CRY1: variants seen among roughly 807,000 people sequenced by gnomAD.
CRY1 encodes cryptochrome circadian regulator 1, also known as cryptochrome-1.
A neutral mutation model predicts 76.0 loss-of-function variants in CRY1; 45 were observed. That is an observed-to-expected ratio of 0.59 (90% CI 0.47 to 0.76). The LOEUF (loss-of-function observed/expected upper bound fraction) is 0.76. Among genes scored for constraint, CRY1 ranks in the 30% least tolerant of loss-of-function variants. The pLI is 0.00. For missense variants in CRY1, 587 were observed against 716.4 expected, an observed-to-expected ratio of 0.82 and a Z score of 2.06; for synonymous variants, 248 against 244.0, an observed-to-expected ratio of 1.02 and a Z score of -0.15.
intron 1 of CRY1, among the ~76,000 whole-genome samples, chr12:107,089,527 T>A (rs1036140112): frequency 2.6e-5 from 4 of 151,988 alleles, no homozygotes; most frequent in African/African-American, 9.7e-5. Flanking sequence ...ATATAAAACA[T>A]CCTTTTTAAA....
intron 1 of CRY1, among the ~76,000 whole-genome samples, chr12:107,060,395 C>T (rs144177265): frequency 0.013 from 1,929 of 152,284 alleles, 18 homozygotes; most frequent in Middle Eastern, 0.037. Context: ...TGCTCTTCTG[C>T]CATGGGATGA....
At chr12:107,012,119 G>A (rs1464013869) in intron 2 of CRY1, among the ~76,000 whole-genome samples, 2 of 152,214 alleles carry the variant, frequency 1.3e-5, no homozygotes, top group African/African-American at 4.8e-5. Context: ...GAGCCCAGGA[G>A]GCGAAGGCTG....
chr12:106,997,193 A>G (rs1952242035), intron 10 of CRY1, 101 bp downstream of exon 10: 1 of 1,077,198 alleles, frequency 9.3e-7, no homozygotes, highest in African/African-American at 1.6e-5. Flanking sequence ...CTAATTTCAA[A>G]GACAGATTTT....
At chr12:107,028,764 T>A (rs1012609531) in intron 1 of CRY1, among the ~76,000 whole-genome samples, 7 of 152,206 alleles carry the variant, frequency 4.6e-5, no homozygotes, top group African/African-American at 1.7e-4. Context: ...AACACAGTTG[T>A]GTTACTGGCG....
intron 1 of CRY1, among the ~76,000 whole-genome samples, chr12:107,053,100 A>G (rs1555200947): frequency 6.6e-6 from 1 of 152,252 alleles, no homozygotes; most frequent in Non-Finnish European, 1.5e-5. Context: ...TAAAAAAAGC[A>G]AGGAATAAGA....
intron 1 of CRY1, among the ~76,000 whole-genome samples, chr12:107,044,700 G>A (rs1396830170): frequency 2.0e-5 from 3 of 152,022 alleles, no homozygotes; most frequent in African/African-American, 7.2e-5. Context: ...AAACAAAAAC[G>A]CTGTAGCTGA....
At chr12:107,056,930 T>C (rs1952990226) in intron 1 of CRY1, among the ~76,000 whole-genome samples, 2 of 152,052 alleles carry the variant, frequency 1.3e-5, no homozygotes, top group East Asian at 3.9e-4. Flanking sequence ...AAGACAAACA[T>C]ATAGACATTT....
Position 107,000,898 on chromosome 12 carries a change from C to A in CRY1, c.684+382G>T, listed in dbSNP as rs781742638. Among the ~76,000 whole-genome samples, 5 of 152,234 alleles carry A rather than the reference C, an allele frequency of 3.3e-5. No individual in the cohort carries two copies. In the South Asian group the frequency reaches 1.0e-3, roughly 32 times the overall value. On this transcript the variant is annotated intron_variant, in intron 5 of 12. Transcript: ENST00000008527. ...CTCCTGACCTCAAGTGATCCACCTG[C>A]GTCAGCCTCCCAAAGTGCTGGGATT...
At chr12:107,000,344 ATCTC>A (rs200765352) in intron 5 of CRY1, among the ~76,000 whole-genome samples, 89 of 151,656 alleles carry the variant, frequency 5.9e-4, no homozygotes, top group African/African-American at 1.9e-3. Flanking sequence ...AGCACCTTCA[ATCTC>A]TCTCTCTTTT....
At chr12:107,088,038 C>CAAAAAT (rs1398117051) in intron 1 of CRY1, among the ~76,000 whole-genome samples, 1 of 151,912 alleles carries the variant, frequency 6.6e-6, no homozygotes, top group Non-Finnish European at 1.5e-5. Flanking sequence ...TACCCCGTCT[C>CAAAAAT]AAAAATAAAA....
At chr12:107,058,077 T>C (rs1953005372) in intron 1 of CRY1, among the ~76,000 whole-genome samples, 1 of 151,360 alleles carries the variant, frequency 6.6e-6, no homozygotes, top group Admixed American at 6.6e-5. Context: ...AACAAACAAA[T>C]ATATAAAGTG....
chr12:107,014,423 C>G (rs1313600615), intron 2 of CRY1, among the ~76,000 whole-genome samples: 1 of 152,130 alleles, frequency 6.6e-6, no homozygotes, highest in Non-Finnish European at 1.5e-5. Flanking sequence ...ACAAGTATAT[C>G]AAGAAGAAAA....
intron 1 of CRY1, among the ~76,000 whole-genome samples, chr12:107,085,372 A>T (rs187461317): frequency 1.3e-5 from 2 of 152,348 alleles, no homozygotes; most frequent in African/African-American, 4.8e-5. Context: ...ATGTATGTTT[A>T]TTGTGGCACT....
intron 1 of CRY1, among the ~76,000 whole-genome samples, chr12:107,032,379 T>C (rs1256915816): frequency 6.6e-6 from 1 of 152,176 alleles, no homozygotes; most frequent in Non-Finnish European, 1.5e-5. Flanking sequence ...AAAAATTTTA[T>C]TAAAAAAATC....
At chr12:107,085,647 C>G (rs949518248) in intron 1 of CRY1, among the ~76,000 whole-genome samples, 1 of 151,972 alleles carries the variant, frequency 6.6e-6, no homozygotes, top group African/African-American at 2.4e-5. Flanking sequence ...ACAGCACATA[C>G]CGGGGCCTGC....
At chr12:107,068,438 G>C (rs1368948640) in intron 1 of CRY1, among the ~76,000 whole-genome samples, 1 of 152,070 alleles carries the variant, frequency 6.6e-6, no homozygotes, top group Admixed American at 6.6e-5. Context: ...TGGGACTACA[G>C]GTATGTGCCA....
intron 1 of CRY1, among the ~76,000 whole-genome samples, chr12:107,034,844 G>T (rs1952716103): frequency 6.6e-6 from 1 of 152,110 alleles, no homozygotes; most frequent in South Asian, 2.1e-4. Flanking sequence ...CGTTTCAAAG[G>T]ATTAAAATCA....
rs1301052149 is a variant in CRY1, at chr12:106,997,607, G to T, written c.1373C>A (p.Ala458Asp). ...WNAPEGIQKV[A>D]KCLIGVNYPK... ...ATAATTAACTCCTATCAAACATTTG[G>T]CTACCTTTTGGATACCTTCTGGTGC... The change falls in exon 9 of 13, where the codon GCC becomes GAC. Residue 458 changes from alanine to aspartate, a missense_variant. Coordinates refer to ENST00000008527, the MANE Select transcript of CRY1 (RefSeq NM_004075.5). 1 of 1,613,886 alleles carries T rather than the reference G, an allele frequency of 6.2e-7. No homozygotes were observed. Among genetic ancestry groups the T allele is most frequent in the Admixed American group, 1.7e-5 (1 of 59,980 alleles).
rs185056018 is a variant in CRY1 at position 107,040,536 on chromosome 12, G to A, written c.159-18344C>T. Among the ~76,000 whole-genome samples, 292 of 151,784 alleles carry A rather than the reference G, an allele frequency of 1.9e-3. 2 individuals are homozygous for A. Among genetic ancestry groups the A allele is most frequent in the African/African-American group, 6.6e-3 (274 of 41,384 alleles). ...CCTGACCTCATGATCCACCCACATC[G>A]GCCTCCCAAAGTGCTGAGATTACAG... On this transcript the variant is annotated intron_variant, in intron 1 of 12. Transcript: ENST00000008527.
Sources: allele counts gnomAD v4.1 joint callset (sites outside exome capture counted in the v4.1 genomes callset), GRCh38; gene constraint gnomAD v4.1.1; transcripts MANE v1.5; gene names NCBI Gene and HGNC (gene_info 2026-07-23, HGNC 2026-07-21).